The following RTL4 variants were observed in gnomAD, a reference collection of about 807,000 sequenced individuals.
The protein encoded by RTL4 is retrotransposon Gag like 4.
In RTL4, 4 loss-of-function variants were observed where a neutral mutation model predicts 5.3. The observed-to-expected ratio is 0.75, with a 90% CI of 0.37 to 1.72. The LOEUF is 1.72. Among genes scored for constraint, RTL4 ranks in the 40% most tolerant of loss-of-function variants. The pLI is 0.04. For synonymous variants in RTL4, 98 were observed against 87.3 expected, an observed-to-expected ratio of 1.12 and a Z score of -0.68; for missense variants, 260 against 227.1, an observed-to-expected ratio of 1.14 and a Z score of -0.93.
At chrX:112,165,581 ATCTC>A in the RTL4 span, among the ~76,000 whole-genome samples, 3 of 109,723 alleles carry the variant, frequency 2.7e-5, no homozygotes, top group Admixed American at 9.7e-5. Flanking sequence ...ACTGACTTAA[ATCTC>A]TCTCTCTCTC....
chrX:112,449,914 A>C (rs1333473246), upstream of RTL4, among the ~76,000 whole-genome samples: 1 of 112,236 alleles, frequency 8.9e-6, no homozygotes, highest in African/African-American at 3.2e-5. Context: ...ATGGTGGCAG[A>C]GCTAGGCCCA....
chrX:112,287,959 T>C, the RTL4 span, among the ~76,000 whole-genome samples: 1 of 111,741 alleles, frequency 8.9e-6, no homozygotes, highest in Non-Finnish European at 1.9e-5. Flanking sequence ...ATCTTGTGTC[T>C]CCCCAGGATG....
At chrX:112,257,226 A>G in the RTL4 span, among the ~76,000 whole-genome samples, 1 of 111,210 alleles carries the variant, frequency 9.0e-6, no homozygotes, top group Non-Finnish European at 1.9e-5. Context: ...ACATTTCATC[A>G]GTTATTTTTC....
At chrX:112,243,176 GC>G in the RTL4 span, among the ~76,000 whole-genome samples, 1 of 111,351 alleles carries the variant, frequency 9.0e-6, no homozygotes, top group African/African-American at 3.3e-5. Context: ...TTGTGTCTCT[GC>G]CAGGCTTTGG....
At chrX:112,115,966 C>T in the RTL4 span, among the ~76,000 whole-genome samples, 2 of 111,681 alleles carry the variant, frequency 1.8e-5, no homozygotes, top group South Asian at 3.7e-4. Flanking sequence ...GTCCAGACCC[C>T]GGAGCTGAAT....
At chrX:112,371,140 G>A in the RTL4 span, among the ~76,000 whole-genome samples, 1 of 110,958 alleles carries the variant, frequency 9.0e-6, no homozygotes. Flanking sequence ...GTACCTTTGA[G>A]GGTACATGAA....
chrX:112,364,285 GC>G, the RTL4 span, among the ~76,000 whole-genome samples: 1 of 111,260 alleles, frequency 9.0e-6, no homozygotes, highest in Admixed American at 9.5e-5. Flanking sequence ...GTTTGGAGGT[GC>G]CCCCTCCACA....
At chrX:112,136,494 C>A in the RTL4 span, among the ~76,000 whole-genome samples, 3 of 111,734 alleles carry the variant, frequency 2.7e-5, no homozygotes, top group Non-Finnish European at 5.7e-5. Context: ...AAGTGGAAGA[C>A]TTGTACACTG....
the RTL4 span, among the ~76,000 whole-genome samples, chrX:112,103,170 T>C: frequency 9.0e-6 from 1 of 111,253 alleles, no homozygotes; most frequent in Non-Finnish European, 1.9e-5. Context: ...GGCAAAGATA[T>C]GGAATCAACC....
chrX:112,365,367 T>C, the RTL4 span, among the ~76,000 whole-genome samples: 5 of 110,901 alleles, frequency 4.5e-5, no homozygotes, highest in African/African-American at 1.6e-4. Flanking sequence ...AGTGTACTTA[T>C]ACTTAATCTT....
At chrX:112,214,284 A>G in the RTL4 span, among the ~76,000 whole-genome samples, 6 of 111,520 alleles carry the variant, frequency 5.4e-5, no homozygotes, top group East Asian at 1.7e-3. Context: ...TTGTGTCTGG[A>G]TTATTTTTCT....
the RTL4 span, among the ~76,000 whole-genome samples, chrX:112,146,430 A>G: frequency 9.0e-6 from 1 of 111,590 alleles, no homozygotes; most frequent in Non-Finnish European, 1.9e-5. Context: ...TGGCATCGCA[A>G]TTCTGGAGCC....
At chrX:112,368,448 C>T in the RTL4 span, among the ~76,000 whole-genome samples, 13 of 111,160 alleles carry the variant, frequency 1.2e-4, no homozygotes, top group South Asian at 1.1e-3. Context: ...ATTCATTTTC[C>T]TAAATTGTAA....
chrX:112,429,709 C>T, the RTL4 span, among the ~76,000 whole-genome samples: 1 of 111,575 alleles, frequency 9.0e-6, no homozygotes, highest in African/African-American at 3.2e-5. Context: ...CAACACTTAG[C>T]ATTTGTTGCA....
At chrX:112,195,219 G>T in the RTL4 span, among the ~76,000 whole-genome samples, 1 of 111,452 alleles carries the variant, frequency 9.0e-6, no homozygotes, top group African/African-American at 3.3e-5. Flanking sequence ...GAGTTGACAT[G>T]GTGACTATCA....
chrX:112,118,479 A>G, the RTL4 span, among the ~76,000 whole-genome samples: 183 of 112,284 alleles, frequency 1.6e-3, no homozygotes, highest in African/African-American at 5.6e-3. Flanking sequence ...AATCCAAAAG[A>G]GAGTAGGGAC....
the RTL4 span, among the ~76,000 whole-genome samples, chrX:112,387,213 G>A: frequency 9.2e-6 from 1 of 108,494 alleles, no homozygotes; most frequent in Non-Finnish European, 1.9e-5. Context: ...TTTCTGATTT[G>A]AGTTCGTTGT....
At chrX:112,324,347 G>A in the RTL4 span, among the ~76,000 whole-genome samples, 6 of 111,900 alleles carry the variant, frequency 5.4e-5, no homozygotes, top group South Asian at 1.8e-3. Flanking sequence ...TTGGTTTGAA[G>A]TAATTCCATT....
chrX:112,267,529 T>G, the RTL4 span, among the ~76,000 whole-genome samples: 1 of 111,807 alleles, frequency 8.9e-6, no homozygotes, highest in African/African-American at 3.3e-5. Context: ...AGTCTTCTCT[T>G]CTATTTGTAC....
Sources: allele counts gnomAD v4.1 joint callset (sites outside exome capture counted in the v4.1 genomes callset), GRCh38; gene constraint gnomAD v4.1.1; transcripts MANE v1.5; gene names NCBI Gene and HGNC (gene_info 2026-07-23, HGNC 2026-07-21).